Variants in AXL observed in about 807,000 individuals in gnomAD.
The protein encoded by AXL is AXL receptor tyrosine kinase, also known as tyrosine-protein kinase receptor UFO.
AXL carries 52 observed loss-of-function variants against 104.5 expected under a neutral mutation model. The ratio of observed to expected loss-of-function variants is 0.50; its 90% CI spans 0.40 to 0.63. The LOEUF is 0.63. Among genes scored for constraint, AXL ranks in the 20% least tolerant of loss-of-function variants. AXL has a pLI of 0.00. For synonymous variants in AXL, 455 were observed against 473.7 expected (o/e 0.96, Z 0.51); for missense variants, 1,024 against 1,188.5 (o/e 0.86, Z 2.04).
At chr19:41,257,232 C>T (rs1026719165) in intron 18 of AXL, among the ~76,000 whole-genome samples, 6 of 152,018 alleles carry the variant, frequency 3.9e-5, no homozygotes, top group South Asian at 2.1e-4. Flanking sequence ...TTAGTAGAGA[C>T]GGGGTTTCAC....
chr19:41,233,621 CTCTG>C (rs1300615396), intron 6 of AXL, among the ~76,000 whole-genome samples: 7 of 148,966 alleles, frequency 4.7e-5, no homozygotes, highest in East Asian at 2.0e-4. Context: ...CAGAGTAAGA[CTCTG>C]TCTGAGAAAA....
intron 18 of AXL, 96 bp downstream of exon 18, chr19:41,256,707 G>A: frequency 6.6e-7 from 1 of 1,507,092 alleles, no homozygotes; most frequent in Non-Finnish European, 9.1e-7. Context: ...AGGGTCACAG[G>A]GACATGTGGG....
chr19:41,235,243 C>A (rs2034057900), intron 6 of AXL, among the ~76,000 whole-genome samples: 2 of 151,940 alleles, frequency 1.3e-5, no homozygotes, highest in South Asian at 4.2e-4. Flanking sequence ...CCTAGCTACT[C>A]AGGAGGTTGA....
At chr19:41,257,053 T>TC (rs1165901969) in intron 18 of AXL, among the ~76,000 whole-genome samples, 2 of 152,138 alleles carry the variant, frequency 1.3e-5, no homozygotes, top group African/African-American at 4.8e-5. Flanking sequence ...TATATATTTT[T>TC]CTTTTTTTGA....
chr19:41,254,381 AAAAAAAAAAAAAG>A (rs1165417714), intron 17 of AXL, among the ~76,000 whole-genome samples: 1 of 149,322 alleles, frequency 6.7e-6, no homozygotes, highest in Non-Finnish European at 1.5e-5. Flanking sequence ...TGTCTCAAAA[AAAAAAAAAAAAAG>A]AAAGAAAGAA....
chr19:41,234,023 C>G (rs150035180), intron 6 of AXL, among the ~76,000 whole-genome samples: 1 of 152,184 alleles, frequency 6.6e-6, no homozygotes, highest in East Asian at 1.9e-4. Flanking sequence ...TCCTCTCTGT[C>G]CTGGTAGAGG....
At position 41,256,442 on chromosome 19, in the gene AXL, A is replaced by G. The variant is rs117941544; in HGVS notation, c.2037-10A>G. On this transcript the variant is annotated splice_polypyrimidine_tract_variant and intron_variant, in intron 17 of 19. Transcript: ENST00000301178. The stretch of plus-strand genomic sequence containing the variant: ...TGCCCTGACCCTGTTCCTTTCCCCA[A>G]TCCAAACAGGCTGAATGAGAACATG... 7 of 1,608,666 alleles carry G rather than the reference A, an allele frequency of 4.4e-6. No homozygotes were observed. The highest frequency in any genetic ancestry group is 1.3e-5 in the African/African-American group (1 of 74,814).
At chr19:41,226,205 G>A (rs1183517440) in intron 4 of AXL, among the ~76,000 whole-genome samples, 2 of 152,150 alleles carry the variant, frequency 1.3e-5, no homozygotes, top group African/African-American at 4.8e-5. Flanking sequence ...CTCACGCGGG[G>A]GCAGGAATGC....
intron 1 of AXL, among the ~76,000 whole-genome samples, chr19:41,220,227 C>T (rs1323795785): frequency 2.7e-5 from 4 of 150,066 alleles, no homozygotes; most frequent in Non-Finnish European, 5.9e-5. Context: ...CTTCTCCCTC[C>T]GCCACCACCC....
chr19:41,238,245 A>G lies in AXL; in HGVS notation c.994+91A>G. The G allele has an allele frequency of 4.7e-6, 7 of 1,488,928 alleles. No individual in the cohort carries two copies. The South Asian group carries it at 8.0e-5, about 17-fold the overall frequency. 92.2% of individuals were successfully genotyped at this position (1,488,928 alleles called of 1,614,324 possible). ...CCCCATTGTCCCCTTTCACTCCTTT[A>G]CCCCTCATGGCCTCAATCTCCTTCC... is the stretch of plus-strand genomic sequence containing the variant. On this transcript the variant is annotated intron_variant, in intron 7 of 19. Transcript: ENST00000301178.
intron 15 of AXL, 40 bp downstream of exon 15, chr19:41,252,483 G>T: frequency 6.3e-7 from 1 of 1,595,074 alleles, no homozygotes; most frequent in Non-Finnish European, 8.6e-7. Context: ...CAAGCCCCAT[G>T]GGGGCCATAG....
At chr19:41,227,785 G>A (rs1275250585) in intron 4 of AXL, among the ~76,000 whole-genome samples, 3 of 151,974 alleles carry the variant, frequency 2.0e-5, no homozygotes, top group South Asian at 2.1e-4. Flanking sequence ...CATAGCACCC[G>A]GCCAGGCGAT....
chr19:41,252,488 C>G (rs2034382414), intron 15 of AXL, 45 bp downstream of exon 15: 1 of 1,591,758 alleles, frequency 6.3e-7, no homozygotes. Context: ...CCCATGGGGG[C>G]CATAGCAGAG....
In AXL at chr19:41,220,836, T is replaced by C; in HGVS notation, c.286T>C (p.Trp96Arg). The change falls in exon 2 of 20, where the codon TGG (tryptophan) becomes CGG (arginine). Residue 96 changes from tryptophan to arginine, a missense_variant. By Grantham distance (101) the Trp-to-Arg change is moderately radical (BLOSUM62 -3). Transcript: ENST00000301178. ...CCTGGGTGAGGATGAACAGGATGAC[T>C]GGATAGTGGTCAGCCAGCTCAGGTG... ...VPLGEDEQDD[W>R]IVVSQLRITS... The C allele has an allele frequency of 1.9e-6, 3 of 1,614,072 alleles. No individual in the cohort carries two copies. Among genetic ancestry groups the C allele is most frequent in the South Asian group, 1.1e-5 (1 of 91,082 alleles).
chr19:41,226,970 C>T, intron 4 of AXL: 1 of 188,092 alleles, frequency 5.3e-6, no homozygotes, highest in Middle Eastern at 2.6e-3. Context: ...GTGTGGTGGC[C>T]GCCTGTAGTC....
intron 4 of AXL, among the ~76,000 whole-genome samples, chr19:41,230,142 GCTGTGT>G (rs1318629699): frequency 8.5e-6 from 1 of 118,226 alleles, no homozygotes; most frequent in Non-Finnish European, 1.8e-5. Flanking sequence ...TGTGTGTGTG[GCTGTGT>G]CTGTTTCTGT....
chr19:41,247,438 G>A (rs1464473234), intron 12 of AXL, among the ~76,000 whole-genome samples: 3 of 152,168 alleles, frequency 2.0e-5, no homozygotes, highest in African/African-American at 7.2e-5. Flanking sequence ...GAGAGGCGGA[G>A]GTTGCGGTGA....
At chr19:41,227,700 G>T (rs2033907854) in intron 4 of AXL, among the ~76,000 whole-genome samples, 1 of 151,946 alleles carries the variant, frequency 6.6e-6, no homozygotes, top group Non-Finnish European at 1.5e-5. Context: ...TGTTGCCCAG[G>T]CTTGTCTTAA....
intron 13 of AXL, 24 bp from the exon 14 acceptor site, chr19:41,248,719 G>C: frequency 6.2e-7 from 1 of 1,613,920 alleles, no homozygotes; most frequent in East Asian, 2.2e-5. Flanking sequence ...TCTGAGGTCA[G>C]TGTCTCCCTC....
Sources: allele counts gnomAD v4.1 joint callset (sites outside exome capture counted in the v4.1 genomes callset), GRCh38; gene constraint gnomAD v4.1.1; transcripts MANE v1.5; gene names NCBI Gene and HGNC (gene_info 2026-07-23, HGNC 2026-07-21).